BMPR1B: variants seen among roughly 807,000 people sequenced by gnomAD.
The protein encoded by BMPR1B is bone morphogenetic protein receptor type-1B.
Under a neutral mutation model 59.1 loss-of-function variants are expected in BMPR1B, and 12 were observed. That is an observed-to-expected ratio of 0.20 (90% CI 0.13 to 0.33). The LOEUF (loss-of-function observed/expected upper bound fraction) is 0.33, where lower values mean the gene tolerates loss of function less well. BMPR1B is among the 10% of genes least tolerant of loss of function. The pLI, the probability that BMPR1B is intolerant of heterozygous loss-of-function variation, is 1.00. For synonymous variants in BMPR1B, 237 were observed against 207.3 expected, an observed-to-expected ratio of 1.14 and a Z score of -1.23; for missense variants, 550 against 610.9, an observed-to-expected ratio of 0.90 and a Z score of 1.05.
At chr4:95,075,802 A>T (rs1441464503) in intron 3 of BMPR1B, among the ~76,000 whole-genome samples, 1 of 152,112 alleles carries the variant, frequency 6.6e-6, no homozygotes, top group African/African-American at 2.4e-5. Flanking sequence ...CAGTGGTACT[A>T]GTTGGCCTGC....
At position 94,867,387 on chromosome 4, in the gene BMPR1B, G is replaced by A. The variant is rs372174024; in HGVS notation, c.-182-8444G>A. On this transcript the variant is annotated intron_variant, in intron 1 of 12. Coordinates refer to ENST00000515059, the MANE Select transcript of BMPR1B (RefSeq NM_001203.3). ...TTCTTTCAGTTTATTACCGATAAGA[G>A]GCATCTTTCTGAGTGATGTCACCAG... is the stretch of plus-strand genomic sequence containing the variant. 1.9e-4 allele frequency among the ~76,000 whole-genome samples: 29 copies of A among 152,258 alleles called. No individual in the cohort carries two copies. The South Asian group carries it at 4.4e-3, about 23-fold the overall frequency.
chr4:94,764,056 A>G (rs935918542), intron 1 of BMPR1B, among the ~76,000 whole-genome samples: 6 of 151,936 alleles, frequency 3.9e-5, no homozygotes, highest in Admixed American at 1.3e-4. Context: ...ATCTTCTTCA[A>G]TTTGTCAAGA....
intron 10 of BMPR1B, among the ~76,000 whole-genome samples, chr4:95,138,813 C>A (rs2149312833): frequency 6.6e-6 from 1 of 152,244 alleles, no homozygotes; most frequent in African/African-American, 2.4e-5. Flanking sequence ...TTCGTCTAAT[C>A]TTTTTTCAAG....
intron 2 of BMPR1B, among the ~76,000 whole-genome samples, chr4:94,920,362 A>C (rs1371972420): frequency 2.6e-5 from 4 of 152,066 alleles, no homozygotes; most frequent in Admixed American, 2.6e-4. Flanking sequence ...TTGTTAATTA[A>C]TTATATTAAT....
At chr4:94,862,818 A>G (rs564143822) in intron 1 of BMPR1B, among the ~76,000 whole-genome samples, 10 of 151,832 alleles carry the variant, frequency 6.6e-5, no homozygotes, top group Middle Eastern at 3.4e-3. Flanking sequence ...GGTTGCGGGC[A>G]CCTGTAGTCC....
chr4:94,996,537 CGTATGAAGGTGCA>C (rs1722070332), intron 3 of BMPR1B, among the ~76,000 whole-genome samples: 2 of 152,184 alleles, frequency 1.3e-5, no homozygotes, highest in South Asian at 4.1e-4. Flanking sequence ...TTCAGATGAA[CGTATGAAGGTGCA>C]GTAGTCAGTG....
Position 94,902,245 on chromosome 4 carries a change from CACACAGAGAGAGAGAGAGAGAGAGAG to C in BMPR1B, c.-113+26347_-113+26372del, listed in dbSNP as rs1442321670. ...ACACACACACACACACACACACACA[CACACAGAGAGAGAGAGAGAGAGAGAG>C]AGAGAGAGAGAGAGAGAGAGAGAAG... On this transcript the variant is annotated intron_variant, in intron 2 of 12. Coordinates refer to ENST00000515059, the MANE Select transcript of BMPR1B (RefSeq NM_001203.3). Among the ~76,000 whole-genome samples, 85 of 91,764 alleles carry C rather than the reference CACACAGAGAGAGAGAGAGAGAGAGAG, an allele frequency of 9.3e-4. 1 individual carries two copies. Among genetic ancestry groups the C allele is most frequent in the African/African-American group, 3.2e-3 (73 of 22,494 alleles). The allele number at this position is 91,764 out of a possible 152,430, so 60.2% of individuals were successfully genotyped here. A position where few individuals can be genotyped will look rare whatever the true frequency, so the allele number is the denominator to read the frequency against.
chr4:94,771,411 C>T (rs1485057787), intron 1 of BMPR1B, among the ~76,000 whole-genome samples: 2 of 152,074 alleles, frequency 1.3e-5, no homozygotes, highest in African/African-American at 2.4e-5. Flanking sequence ...CCTGGTGGTT[C>T]ATGAGCTTGA....
At chr4:94,956,959 C>CA (rs1322930562) in intron 2 of BMPR1B, among the ~76,000 whole-genome samples, 1 of 152,136 alleles carries the variant, frequency 6.6e-6, no homozygotes, top group Non-Finnish European at 1.5e-5. Flanking sequence ...AAGATGAACA[C>CA]AGGCATCATT....
intron 2 of BMPR1B, among the ~76,000 whole-genome samples, chr4:94,915,123 C>T (rs1370667591): frequency 6.6e-6 from 1 of 151,998 alleles, no homozygotes. Flanking sequence ...ATAATAAATG[C>T]CTTGAATTTT....
chr4:95,014,630 C>A (rs1420769269), intron 3 of BMPR1B, among the ~76,000 whole-genome samples: 1 of 152,134 alleles, frequency 6.6e-6, no homozygotes, highest in Non-Finnish European at 1.5e-5. Context: ...GATGCAGAGA[C>A]CCTTTATCTG....
At chr4:95,117,409 TG>T (rs1384391754) in intron 6 of BMPR1B, among the ~76,000 whole-genome samples, 2 of 152,144 alleles carry the variant, frequency 1.3e-5, no homozygotes, top group Non-Finnish European at 1.5e-5. Flanking sequence ...TGCAGAGGTC[TG>T]GTTTGTAATA....
At chr4:94,972,211 T>C (rs542585823) in intron 2 of BMPR1B, among the ~76,000 whole-genome samples, 5 of 151,928 alleles carry the variant, frequency 3.3e-5, no homozygotes, top group African/African-American at 9.6e-5. Context: ...CAGAGTATTT[T>C]GGGGAGAATA....
intron 2 of BMPR1B, among the ~76,000 whole-genome samples, chr4:94,991,880 C>T (rs1378251364): frequency 3.3e-5 from 5 of 152,130 alleles, no homozygotes; most frequent in South Asian, 2.1e-4. Flanking sequence ...TGACAAGGTT[C>T]GAACCAGGAA....
chr4:95,039,444 A>G (rs1373688719), intron 3 of BMPR1B, among the ~76,000 whole-genome samples: 2 of 147,568 alleles, frequency 1.4e-5, no homozygotes, highest in Non-Finnish European at 3.0e-5. Context: ...TTTTTACACA[A>G]TCTACTTGTT....
chr4:95,029,662 T>C (rs1724683980), intron 3 of BMPR1B, among the ~76,000 whole-genome samples: 2 of 152,162 alleles, frequency 1.3e-5, no homozygotes, highest in African/African-American at 4.8e-5. Flanking sequence ...ATGGTATTTC[T>C]AGTTCTAGAT....
chr4:94,826,297 C>G (rs945049967), intron 1 of BMPR1B, among the ~76,000 whole-genome samples: 1 of 152,124 alleles, frequency 6.6e-6, no homozygotes, highest in Non-Finnish European at 1.5e-5. Flanking sequence ...GAAAAGGTCT[C>G]GGGGATATTG....
chr4:95,112,814 C>G (rs763205059), intron 4 of BMPR1B, among the ~76,000 whole-genome samples: 4 of 151,888 alleles, frequency 2.6e-5, no homozygotes, highest in African/African-American at 4.8e-5. Context: ...ATAGCTTTAC[C>G]AGCTTTTTCT....
chr4:95,146,360 A>G (rs958976163), intron 10 of BMPR1B, among the ~76,000 whole-genome samples: 3 of 152,168 alleles, frequency 2.0e-5, no homozygotes, highest in Non-Finnish European at 4.4e-5. Context: ...TGAACTATGT[A>G]TACTCCAGCT....
Sources: gnomAD v4.1 joint callset for allele counts (sites outside exome capture counted in the v4.1 genomes callset) on GRCh38, gnomAD v4.1.1 for gene constraint, MANE v1.5 for transcripts, NCBI Gene and HGNC (gene_info 2026-07-23, HGNC 2026-07-21) for gene names.